SULF1: variants seen among roughly 807,000 people sequenced by gnomAD.
The protein encoded by SULF1 is sulfatase 1.
In SULF1, 46 loss-of-function variants were observed where a neutral mutation model predicts 110.5. The ratio of observed to expected loss-of-function variants is 0.42; its 90% CI spans 0.33 to 0.53. The LOEUF (loss-of-function observed/expected upper bound fraction) is 0.53, where lower values mean the gene tolerates loss of function less well. SULF1 is among the 20% of genes least tolerant of loss of function. The pLI is 0.12. For missense variants in SULF1, 941 were observed against 1,094.2 expected (o/e 0.86, Z 1.98); for synonymous variants, 371 against 387.1 (o/e 0.96, Z 0.49).
upstream of SULF1, among the ~76,000 whole-genome samples, chr8:69,491,243 C>T (rs1809927645): frequency 6.6e-6 from 1 of 152,176 alleles, no homozygotes; most frequent in Non-Finnish European, 1.5e-5. Flanking sequence ...TACAAAGCCA[C>T]AAGAAATTCA....
At chr8:69,572,142 G>C (rs1480385673) in intron 5 of SULF1, among the ~76,000 whole-genome samples, 1 of 152,186 alleles carries the variant, frequency 6.6e-6, no homozygotes, top group East Asian at 1.9e-4. Flanking sequence ...CAAAAGATGA[G>C]AGTGCAGAAA....
chr8:69,520,300 T>A (rs923832868), intron 3 of SULF1, among the ~76,000 whole-genome samples: 7 of 152,168 alleles, frequency 4.6e-5, no homozygotes, highest in African/African-American at 7.2e-5. Context: ...ATTTCTGTTT[T>A]TTTTTCCAAT....
intron 6 of SULF1, among the ~76,000 whole-genome samples, chr8:69,583,827 TGACATTACAACCACAAA>T (rs917590537): frequency 1.3e-5 from 2 of 152,092 alleles, no homozygotes; most frequent in African/African-American, 2.4e-5. Flanking sequence ...AAAGGGAAGA[TGACATTACAACCACAAA>T]GACAGTGTTG....
chr8:69,629,792 G>T, intron 19 of SULF1, 113 bp downstream of exon 19: 1 of 989,752 alleles, frequency 1.0e-6, no homozygotes, highest in South Asian at 1.7e-5. Flanking sequence ...CAAGAGAAAG[G>T]CATCATATTC....
chr8:69,522,845 G>A (rs561804520), intron 3 of SULF1, among the ~76,000 whole-genome samples: 1 of 152,250 alleles, frequency 6.6e-6, no homozygotes, highest in East Asian at 1.9e-4. Context: ...TCGGTGACAT[G>A]TATAAAAGCA....
chr8:69,518,078 T>C (rs1393309016), intron 3 of SULF1, among the ~76,000 whole-genome samples: 1 of 152,254 alleles, frequency 6.6e-6, no homozygotes, highest in African/African-American at 2.4e-5. Flanking sequence ...TGCAAACTTT[T>C]AAGTCATTAT....
chr8:69,480,498 C>T (rs2150540868), intron 1 of SULF1, among the ~76,000 whole-genome samples: 1 of 152,276 alleles, frequency 6.6e-6, no homozygotes, highest in African/African-American at 2.4e-5. Context: ...GGGAAATAAA[C>T]ATTTGAATAC....
intron 3 of SULF1, among the ~76,000 whole-genome samples, chr8:69,506,843 G>C (rs1006822923): frequency 6.6e-6 from 1 of 152,192 alleles, no homozygotes; most frequent in Admixed American, 6.5e-5. Flanking sequence ...GGATATTAAG[G>C]AAAAAGAATG....
intron 3 of SULF1, among the ~76,000 whole-genome samples, chr8:69,550,832 T>G (rs1289323794): frequency 6.6e-6 from 1 of 152,194 alleles, no homozygotes; most frequent in Non-Finnish European, 1.5e-5. Context: ...TGGCCCAATT[T>G]CAGCCCACTG....
At chr8:69,559,017 A>C (rs1815301683) in intron 3 of SULF1, among the ~76,000 whole-genome samples, 1 of 152,218 alleles carries the variant, frequency 6.6e-6, no homozygotes, top group Non-Finnish European at 1.5e-5. Context: ...TGTTTATCTG[A>C]AAAGAAGGAA....
chr8:69,488,328 A>G (rs1371192717), upstream of SULF1, among the ~76,000 whole-genome samples: 2 of 152,270 alleles, frequency 1.3e-5, no homozygotes, highest in African/African-American at 4.8e-5. Context: ...AAATGACAAG[A>G]GTAGAAGTGT....
intron 6 of SULF1, among the ~76,000 whole-genome samples, chr8:69,585,656 T>C (rs1806398858): frequency 6.6e-6 from 1 of 152,200 alleles, no homozygotes. Flanking sequence ...TTGTGACACA[T>C]ACACTTCTAC....
At chr8:69,605,270 AG>A (rs1808149131) in intron 13 of SULF1, among the ~76,000 whole-genome samples, 1 of 152,208 alleles carries the variant, frequency 6.6e-6, no homozygotes, top group Non-Finnish European at 1.5e-5. Flanking sequence ...ACTTAGTCAA[AG>A]CACAGGTACG....
intron 1 of SULF1, among the ~76,000 whole-genome samples, chr8:69,495,021 G>A (rs985610422): frequency 6.6e-6 from 1 of 152,144 alleles, no homozygotes; most frequent in Non-Finnish European, 1.5e-5. Flanking sequence ...CTCAGGGCTG[G>A]ATGAAGGGAA....
chr8:69,481,810 A>G (rs1809532211), intron 1 of SULF1, among the ~76,000 whole-genome samples: 1 of 152,056 alleles, frequency 6.6e-6, no homozygotes. Flanking sequence ...TCTTTTTTAT[A>G]TTCATACTAT....
At chr8:69,504,699 G>C (rs1811061347) in intron 3 of SULF1, among the ~76,000 whole-genome samples, 1 of 152,052 alleles carries the variant, frequency 6.6e-6, no homozygotes, top group African/African-American at 2.4e-5. Flanking sequence ...TAATCTTGGG[G>C]CTGGAAAATT....
rs1805597671 is a variant in SULF1, at chr8:69,576,174, T to A, written c.377T>A (p.Phe126Tyr). The change falls in exon 6 of 23, where the codon TTT becomes TAT. Residue 126 changes from phenylalanine to tyrosine, a missense_variant. Physicochemically the swap from Phe to Tyr is conservative, Grantham distance 22. Around this residue, in one of 3 missense-constraint regions of SULF1, gnomAD observed 822 missense variants for 934.3 expected, o/e 0.88. Coordinates refer to ENST00000402687, the MANE Select transcript of SULF1 (RefSeq NM_001128205.2). Reference protein sequence around the residue: ...SWQAMHEPRTFAVYLNNTGYR... With the variant: ...SWQAMHEPRTYAVYLNNTGYR... ...CAGGCCATGCATGAGCCTCGGACTT[T>A]TGCTGTATATCTTAACAACACTGGC... The A allele has an allele frequency of 6.2e-7, 1 of 1,614,082 alleles. No homozygotes were observed. Among genetic ancestry groups the A allele is most frequent in the Non-Finnish European group, 8.5e-7 (1 of 1,180,052 alleles).
intron 22 of SULF1, among the ~76,000 whole-genome samples, chr8:69,656,318 A>G (rs1340796481): frequency 6.6e-6 from 1 of 151,774 alleles, no homozygotes; most frequent in Non-Finnish European, 1.5e-5. Flanking sequence ...GTTGTTGTTT[A>G]TTTTATTTTT....
At chr8:69,625,029 C>G (rs1027779701) in intron 15 of SULF1, among the ~76,000 whole-genome samples, 1 of 152,144 alleles carries the variant, frequency 6.6e-6, no homozygotes, top group Non-Finnish European at 1.5e-5. Context: ...GGGGTTTAGA[C>G]CAGAATGCAT....
Sources: gnomAD v4.1 joint callset for allele counts (sites outside exome capture counted in the v4.1 genomes callset) on GRCh38, gnomAD v4.1.1 for gene constraint, gnomAD v4.1.1 regional missense constraint, MANE v1.5 for transcripts, NCBI Gene and HGNC (gene_info 2026-07-23, HGNC 2026-07-21) for gene names.